The following CSMD1 variants were observed in gnomAD, a reference collection of about 807,000 sequenced individuals.
CSMD1 encodes CUB and Sushi multiple domains 1.
CSMD1 carries 213 observed loss-of-function variants against 417.5 expected under a neutral mutation model. That is an observed-to-expected ratio of 0.51 (90% CI 0.46 to 0.57). The LOEUF is 0.57. CSMD1 is among the 20% of genes least tolerant of loss of function. The pLI is 0.00. For synonymous variants in CSMD1, 2,862 were observed against 1,736.8 expected (o/e 1.65, Z -16.11); for missense variants, 6,923 against 4,529.7 (o/e 1.53, Z -15.17).
In CSMD1 at chr8:3,191,549, A is replaced by T. The variant is rs2129051302; in HGVS notation, c.5195-1434T>A. Among the ~76,000 whole-genome samples, 3 of 152,316 alleles carry T rather than the reference A, an allele frequency of 2.0e-5. No individual in the cohort carries two copies. The Middle Eastern group carries it at 0.01, about 518-fold the overall frequency. ...TAAAATGGGAGGCCTTCATTGTTGC[A>T]GCAAGCAAAAACCCAGGGATATGGA... On this transcript the variant is annotated intron_variant, in intron 33 of 69. Coordinates refer to ENST00000635120, the MANE Select transcript of CSMD1 (RefSeq NM_033225.6).
chr8:4,121,651 G>C (rs1199728074), intron 3 of CSMD1, among the ~76,000 whole-genome samples: 1 of 149,494 alleles, frequency 6.7e-6, no homozygotes, highest in African/African-American at 2.5e-5. Context: ...GGAATTCTTA[G>C]GAAACTAAGC....
intron 5 of CSMD1, among the ~76,000 whole-genome samples, chr8:3,820,428 G>A (rs913023796): frequency 6.6e-6 from 1 of 152,176 alleles, no homozygotes; most frequent in Non-Finnish European, 1.5e-5. Flanking sequence ...GGCCTACACA[G>A]GGTCAGGACA....
intron 3 of CSMD1, among the ~76,000 whole-genome samples, chr8:4,339,568 T>A (rs1388440776): frequency 6.6e-6 from 1 of 152,104 alleles, no homozygotes; most frequent in Non-Finnish European, 1.5e-5. Flanking sequence ...TAAATAACTT[T>A]CGGTTGTTTA....
intron 5 of CSMD1, among the ~76,000 whole-genome samples, chr8:3,988,384 T>G (rs1388440238): frequency 2.6e-5 from 4 of 152,202 alleles, no homozygotes; most frequent in Non-Finnish European, 4.4e-5. Context: ...AACCTGAAAT[T>G]ATTATGAATG....
intron 1 of CSMD1, among the ~76,000 whole-genome samples, chr8:4,913,320 C>G (rs913116431): frequency 2.0e-5 from 3 of 152,176 alleles, no homozygotes; most frequent in African/African-American, 7.2e-5. Flanking sequence ...TAATTACTTG[C>G]AATAATTGTT....
chr8:3,240,127 G>A (rs1799403032), intron 26 of CSMD1, among the ~76,000 whole-genome samples: 1 of 152,170 alleles, frequency 6.6e-6, no homozygotes, highest in African/African-American at 2.4e-5. Context: ...AAAACAGTAA[G>A]GTCAAGTAAT....
At chr8:3,928,266 G>C (rs996745240) in intron 5 of CSMD1, among the ~76,000 whole-genome samples, 1 of 152,172 alleles carries the variant, frequency 6.6e-6, no homozygotes. Flanking sequence ...AATTACATAT[G>C]CTGTGATATA....
At chr8:3,897,215 G>A (rs1404123660) in intron 5 of CSMD1, among the ~76,000 whole-genome samples, 1 of 152,154 alleles carries the variant, frequency 6.6e-6, no homozygotes, top group Non-Finnish European at 1.5e-5. Flanking sequence ...CAAAACAAAG[G>A]AGTGAGATGA....
intron 23 of CSMD1, among the ~76,000 whole-genome samples, chr8:3,323,398 C>T (rs1048038925): frequency 1.2e-4 from 19 of 152,160 alleles, no homozygotes; most frequent in African/African-American, 4.6e-4. Context: ...TCCCCATTTT[C>T]CCAAGTCACT....
intron 1 of CSMD1, among the ~76,000 whole-genome samples, chr8:4,855,139 C>A (rs1801717781): frequency 6.6e-6 from 1 of 151,358 alleles, no homozygotes. Flanking sequence ...GGGAGGCACC[C>A]CCCAGCAGGG....
At chr8:3,465,521 C>G (rs1033934419) in intron 12 of CSMD1, among the ~76,000 whole-genome samples, 1 of 152,090 alleles carries the variant, frequency 6.6e-6, no homozygotes, top group Non-Finnish European at 1.5e-5. Flanking sequence ...AGTGGGGGTG[C>G]CAGGAAAGCA....
At chr8:4,510,250 C>G (rs1427376004) in intron 2 of CSMD1, among the ~76,000 whole-genome samples, 1 of 151,918 alleles carries the variant, frequency 6.6e-6, no homozygotes, top group African/African-American at 2.4e-5. Flanking sequence ...AAACCTCTTT[C>G]CTTTATAAAT....
intron 3 of CSMD1, among the ~76,000 whole-genome samples, chr8:4,390,679 A>G (rs1164231787): frequency 1.3e-5 from 2 of 151,608 alleles, no homozygotes; most frequent in African/African-American, 2.4e-5. Flanking sequence ...ACGCCCGGCT[A>G]ATTTTTTGTA....
chr8:4,893,669 C>G (rs569560156), intron 1 of CSMD1, among the ~76,000 whole-genome samples: 1 of 152,230 alleles, frequency 6.6e-6, no homozygotes, highest in East Asian at 1.9e-4. Context: ...TTTTTCCTAA[C>G]TGGTTCAAAC....
At chr8:4,816,096 T>C (rs981249342) in intron 1 of CSMD1, among the ~76,000 whole-genome samples, 1 of 152,174 alleles carries the variant, frequency 6.6e-6, no homozygotes, top group Non-Finnish European at 1.5e-5. Context: ...CTGGGCAGAA[T>C]GTGAGGAAGG....
intron 26 of CSMD1, among the ~76,000 whole-genome samples, chr8:3,256,911 T>C (rs955776063): frequency 4.6e-5 from 7 of 152,328 alleles, no homozygotes; most frequent in South Asian, 4.1e-4. Flanking sequence ...AATGCAAAAA[T>C]AGAATGTTAA....
intron 10 of CSMD1, among the ~76,000 whole-genome samples, chr8:3,519,830 A>T (rs1797428669): frequency 6.6e-6 from 1 of 152,090 alleles, no homozygotes; most frequent in African/African-American, 2.4e-5. Context: ...TCTTCTTACC[A>T]TGGTATCAAC....
chr8:4,000,320 G>C (rs1041898715), intron 4 of CSMD1, among the ~76,000 whole-genome samples: 1 of 152,254 alleles, frequency 6.6e-6, no homozygotes, highest in African/African-American at 2.4e-5. Flanking sequence ...GCTCGCCACA[G>C]TTTTTATTAC....
chr8:3,127,251 C>T (rs1329584884), intron 41 of CSMD1: 3 of 152,126 alleles, frequency 2.0e-5, no homozygotes, highest in Admixed American at 2.0e-4. Flanking sequence ...CTTTGTAAAG[C>T]CTTAGGTTGA....
Sources: allele counts gnomAD v4.1 joint callset (sites outside exome capture counted in the v4.1 genomes callset), GRCh38; gene constraint gnomAD v4.1.1; transcripts MANE v1.5; gene names NCBI Gene and HGNC (gene_info 2026-07-23, HGNC 2026-07-21).